MECOM: variants seen among roughly 807,000 people sequenced by gnomAD.
The protein encoded by MECOM is histone-lysine N-methyltransferase MECOM.
A neutral mutation model predicts 116.3 loss-of-function variants in MECOM; 13 were observed. The ratio of observed to expected loss-of-function variants is 0.11; its 90% confidence interval spans 0.07 to 0.18. The LOEUF is 0.18. Ranked by LOEUF, MECOM falls within the 10% of genes least tolerant of loss-of-function variation. MECOM has a pLI of 1.00. For missense variants in MECOM, 1,299 were observed against 1,509.0 expected (o/e 0.86, Z 2.31); for synonymous variants, 528 against 535.2 (o/e 0.99, Z 0.19).
intron 2 of MECOM, chr3:169,269,201 TTAA>T (rs1320392848): frequency 1.3e-5 from 2 of 152,148 alleles, no homozygotes; most frequent in Non-Finnish European, 2.9e-5. Flanking sequence ...CTTTTCTAGA[TTAA>T]TACACTGAGG....
intron 1 of MECOM, among the ~76,000 whole-genome samples, chr3:169,582,633 C>T (rs1370764392): frequency 6.6e-6 from 1 of 152,198 alleles, no homozygotes; most frequent in Non-Finnish European, 1.5e-5. Flanking sequence ...AGGGCCAATC[C>T]TTCCCTTCCT....
At chr3:169,130,760 A>G (rs1348971160) in intron 4 of MECOM, among the ~76,000 whole-genome samples, 1 of 152,098 alleles carries the variant, frequency 6.6e-6, no homozygotes, top group Non-Finnish European at 1.5e-5. Context: ...ATCACAGTAT[A>G]CTTGGACACA....
intron 12 of MECOM, among the ~76,000 whole-genome samples, chr3:169,097,832 AAAAAAAAAG>A: frequency 6.7e-6 from 1 of 149,404 alleles, no homozygotes; most frequent in South Asian, 2.1e-4. Flanking sequence ...AAAAAAAAAA[AAAAAAAAAG>A]GTGGATTCCA....
intron 2 of MECOM, among the ~76,000 whole-genome samples, chr3:169,358,886 C>T (rs1727745095): frequency 1.3e-5 from 2 of 151,776 alleles, no homozygotes; most frequent in Admixed American, 6.6e-5. Flanking sequence ...AATACTATCT[C>T]ATTTATGCTA....
At chr3:169,535,692 A>G (rs1001454707) in intron 1 of MECOM, among the ~76,000 whole-genome samples, 3 of 152,208 alleles carry the variant, frequency 2.0e-5, no homozygotes, top group Admixed American at 6.5e-5. Context: ...CATCTGGATT[A>G]TAATCTCACT....
intron 1 of MECOM, among the ~76,000 whole-genome samples, chr3:169,429,770 G>A (rs555489272): frequency 6.6e-6 from 1 of 152,138 alleles, no homozygotes; most frequent in Admixed American, 6.5e-5. Flanking sequence ...GTCATTATTG[G>A]CCAAATAGAG....
At chr3:169,505,141 A>C (rs1560367120) in intron 1 of MECOM, among the ~76,000 whole-genome samples, 1 of 152,200 alleles carries the variant, frequency 6.6e-6, no homozygotes, top group Non-Finnish European at 1.5e-5. Flanking sequence ...TTATAATCTC[A>C]GTATTTATAC....
chr3:169,088,082 A>G (rs1718413979), intron 16 of MECOM, among the ~76,000 whole-genome samples: 1 of 152,216 alleles, frequency 6.6e-6, no homozygotes, highest in Non-Finnish European at 1.5e-5. Flanking sequence ...ACAAACCCAG[A>G]CATCTTACCC....
intron 1 of MECOM, among the ~76,000 whole-genome samples, chr3:169,645,714 T>C (rs978810646): frequency 6.6e-6 from 1 of 152,308 alleles, no homozygotes; most frequent in South Asian, 2.1e-4. Context: ...GACAACCCTA[T>C]GCCTGTAAAA....
intron 1 of MECOM, among the ~76,000 whole-genome samples, chr3:169,385,221 T>A (rs201088532): frequency 1.3e-5 from 2 of 151,808 alleles, no homozygotes; most frequent in East Asian, 3.9e-4. Context: ...TCTAAGCGAG[T>A]GCATTTAGAT....
At chr3:169,643,525 G>A (rs968161649) in intron 1 of MECOM, among the ~76,000 whole-genome samples, 1 of 152,122 alleles carries the variant, frequency 6.6e-6, no homozygotes, top group Admixed American at 6.6e-5. Context: ...AGAAAAGTGT[G>A]AATGAGCACA....
intron 1 of MECOM, among the ~76,000 whole-genome samples, chr3:169,613,153 T>C (rs545700814): frequency 1.3e-5 from 2 of 152,330 alleles, no homozygotes; most frequent in East Asian, 3.9e-4. Flanking sequence ...GTAAACCTTA[T>C]TCATAACAGG....
intron 2 of MECOM, among the ~76,000 whole-genome samples, chr3:169,258,826 G>A (rs564016010): frequency 6.6e-6 from 1 of 152,308 alleles, no homozygotes; most frequent in South Asian, 2.1e-4. Flanking sequence ...GGTATTTAAG[G>A]TTAATAATAT....
intron 2 of MECOM, among the ~76,000 whole-genome samples, chr3:169,291,420 T>G (rs183282730): frequency 6.6e-6 from 1 of 152,306 alleles, no homozygotes; most frequent in East Asian, 1.9e-4. Flanking sequence ...CCCTAAAACT[T>G]GGCTTATACT....
chr3:169,483,875 C>G, intron 1 of MECOM: 1 of 1,610,852 alleles, frequency 6.2e-7, no homozygotes, highest in East Asian at 2.2e-5. Context: ...TTTCGATGGT[C>G]ACCACCCCTC....
intron 2 of MECOM, among the ~76,000 whole-genome samples, chr3:169,301,535 A>G (rs1297359033): frequency 6.6e-6 from 1 of 152,208 alleles, no homozygotes; most frequent in African/African-American, 2.4e-5. Context: ...AAGCAATGAA[A>G]TGTAAGATGA....
At chr3:169,199,935 G>T (rs1029481215) in intron 2 of MECOM, among the ~76,000 whole-genome samples, 4 of 151,950 alleles carry the variant, frequency 2.6e-5, no homozygotes, top group African/African-American at 9.7e-5. Context: ...AGTGAAAATT[G>T]GTGGAAAGCC....
chr3:169,341,391 T>G (rs1455765802), intron 2 of MECOM, among the ~76,000 whole-genome samples: 1 of 81,490 alleles, frequency 1.2e-5, no homozygotes, highest in African/African-American at 4.9e-5. Context: ...GCAAGGGTAG[T>G]GGGGAGGTTG....
At chr3:169,424,060 A>G (rs1027671089) in intron 1 of MECOM, among the ~76,000 whole-genome samples, 1 of 152,144 alleles carries the variant, frequency 6.6e-6, no homozygotes, top group African/African-American at 2.4e-5. Flanking sequence ...GCCAGAATTT[A>G]TAGTCAAATG....
Sources: allele counts gnomAD v4.1 joint callset (sites outside exome capture counted in the v4.1 genomes callset), GRCh38; gene constraint gnomAD v4.1.1; transcripts MANE v1.5; gene names NCBI Gene and HGNC (gene_info 2026-07-23, HGNC 2026-07-21).